HEPHL1: variants seen among roughly 807,000 people sequenced by gnomAD.
HEPHL1 encodes hephaestin like 1.
HEPHL1 carries 123 observed loss-of-function variants against 122.0 expected under a neutral mutation model. That is an observed-to-expected ratio of 1.01 (90% CI 0.87 to 1.17). The LOEUF (loss-of-function observed/expected upper bound fraction) is 1.17. Among genes scored for constraint, HEPHL1 ranks in the 50% most tolerant of loss-of-function variants. The pLI is 0.00. For missense variants in HEPHL1, 1,452 were observed against 1,430.5 expected (o/e 1.01, Z -0.24); for synonymous variants, 527 against 508.9 (o/e 1.04, Z -0.48).
At chr11:94,105,340 C>CTCT (rs1357772487) in intron 16 of HEPHL1, among the ~76,000 whole-genome samples, 1 of 152,216 alleles carries the variant, frequency 6.6e-6, no homozygotes, top group East Asian at 1.9e-4. Flanking sequence ...CATTCAGCTA[C>CTCT]TCTTTCCCCT....
chr11:94,059,614 C>T (rs1945967303), intron 2 of HEPHL1, among the ~76,000 whole-genome samples: 1 of 152,138 alleles, frequency 6.6e-6, no homozygotes, highest in African/African-American at 2.4e-5. Context: ...GTTAATGACA[C>T]CATTGATCAA....
chr11:94,076,946 C>T lies in HEPHL1; in HGVS notation c.1716+1561C>T, dbSNP rs561013716. The stretch of plus-strand genomic sequence containing the variant: ...ATTCTGTTTCTCTCTTTGAATCCAC[C>T]TCTCTATAGATCTCACACTTTTTTG... On this transcript the variant is annotated intron_variant, in intron 9 of 19. Transcript: ENST00000315765. Among the ~76,000 whole-genome samples the T allele has an allele frequency of 2.6e-5, 4 of 152,256 alleles. No individual in the cohort carries two copies. In the East Asian group the frequency reaches 7.7e-4, roughly 29 times the overall value.
At chr11:94,047,560 A>T (rs1945851338) in intron 2 of HEPHL1, among the ~76,000 whole-genome samples, 3 of 152,210 alleles carry the variant, frequency 2.0e-5, no homozygotes, top group African/African-American at 7.2e-5. Context: ...ATGGCTGCAT[A>T]GTATTCCAAG....
chr11:94,073,149 C>T lies in HEPHL1; in HGVS notation c.1357C>T (p.His453Tyr), dbSNP rs769195557. Residue 453 changes from histidine to tyrosine, a missense_variant, in exon 7 of 20, where the codon CAT becomes TAT. His to Tyr is a moderately conservative substitution (Grantham distance 83, BLOSUM62 2). Transcript: ENST00000315765. Reference sequence around the variant, plus strand: ...AAAGAGACTCTCTGCTGAAGAAGCCCATCTTGGAATTCTTGGTACAGTAAA... The same window carrying T: ...AAAGAGACTCTCTGCTGAAGAAGCCTATCTTGGAATTCTTGGTACAGTAAA... ...KRKRLSAEEA[H>Y]LGILGPVIKA... 48 of 1,612,950 alleles carry T rather than the reference C, an allele frequency of 3.0e-5. No homozygotes were observed. Among genetic ancestry groups the T allele is most frequent in the Non-Finnish European group, 4.0e-5 (47 of 1,179,452 alleles).
chr11:94,022,674 T>C (rs1464510934), intron 1 of HEPHL1, among the ~76,000 whole-genome samples: 1 of 152,250 alleles, frequency 6.6e-6, no homozygotes, highest in Non-Finnish European at 1.5e-5. Context: ...CCTGGAAATG[T>C]AATGTCTGCA....
intron 2 of HEPHL1, chr11:94,055,530 G>T (rs1477784199): frequency 4.1e-6 from 1 of 245,572 alleles, no homozygotes; most frequent in East Asian, 1.2e-4. Context: ...TTGTTAACCG[G>T]CTTGGAGACC....
intron 1 of HEPHL1, among the ~76,000 whole-genome samples, chr11:94,028,608 C>G (rs922283753): frequency 1.3e-5 from 2 of 152,146 alleles, no homozygotes; most frequent in African/African-American, 4.8e-5. Context: ...CCACTGGATT[C>G]TTTTGCAGCA....
Position 94,104,750 on chromosome 11 carries a change from G to C in HEPHL1, c.2905G>C (p.Ala969Pro). 6.2e-7 allele frequency: 1 copy of C among 1,606,714 alleles called. No individual in the cohort carries two copies. Among genetic ancestry groups the C allele is most frequent in the East Asian group, 2.2e-5 (1 of 44,838 alleles). ...DDFEESNRMH[A>P]INGKIFGNLH... ...TTTTGAGGAAAGCAACAGAATGCAT[G>C]GTATATCCAAAGTTTAAAAAGAAGC... The change falls in exon 16 of 20, where the codon GCC becomes CCC. Residue 969 changes from alanine (A) to proline (P), a missense_variant and splice_region_variant. Coordinates refer to ENST00000315765, the MANE Select transcript of HEPHL1 (RefSeq NM_001098672.2).
chr11:94,103,183 C>G (rs1230471041), intron 15 of HEPHL1, among the ~76,000 whole-genome samples, 163 bp downstream of exon 15: 1 of 144,824 alleles, frequency 6.9e-6, no homozygotes, highest in Non-Finnish European at 1.5e-5. Flanking sequence ...TGGACGTTTA[C>G]ATTGTCAATG....
intron 9 of HEPHL1, among the ~76,000 whole-genome samples, chr11:94,080,749 T>C (rs1051248930): frequency 1.3e-5 from 2 of 152,196 alleles, no homozygotes; most frequent in African/African-American, 4.8e-5. Context: ...AGATACCATC[T>C]CACGCTATTC....
In HEPHL1 at chr11:94,070,450, G is replaced by A. The variant is rs780507774; in HGVS notation, c.1140G>A (p.Arg380=). The A allele has an allele frequency of 2.5e-6, 4 of 1,608,472 alleles. No individual in the cohort carries two copies. Among genetic ancestry groups the A allele is most frequent in the Admixed American group, 1.7e-5 (1 of 59,236 alleles). ...IFYPKMKGQQ[R]RYFIAAEKIL... is the part of the protein sequence containing the mutation. ...ACCCCAAGATGAAGGGTCAACAGAG[G>A]CGCTACTTTATAGCAGCTGAAAAAA... Residue 380 remains arginine, a synonymous_variant, in exon 6 of 20, where the codon AGG becomes AGA. Transcript: ENST00000315765.
In HEPHL1 at chr11:94,114,131, T is replaced by C. The variant is rs1946473154; in HGVS notation, c.*2237T>C. On this transcript the variant is annotated 3_prime_UTR_variant, in exon 20 of 20. Transcript: ENST00000315765. ...GGGTATCCATTTTTCCTCCTGCATC[T>C]TTCTATGAAACCATCAGCAATGTCC... Among the ~76,000 whole-genome samples, 1 of 152,226 alleles carries C rather than the reference T, an allele frequency of 6.6e-6. No individual in the cohort carries two copies. Among genetic ancestry groups the C allele is most frequent in the African/African-American group, 2.4e-5 (1 of 41,450 alleles).
intron 5 of HEPHL1, among the ~76,000 whole-genome samples, chr11:94,068,247 A>T (rs1432622409): frequency 6.6e-6 from 1 of 152,188 alleles, no homozygotes; most frequent in Non-Finnish European, 1.5e-5. Flanking sequence ...CTGTAAGTAG[A>T]GTAATAAGGT....
chr11:94,029,612 C>T (rs570366613), intron 1 of HEPHL1, among the ~76,000 whole-genome samples: 1 of 152,298 alleles, frequency 6.6e-6, no homozygotes, highest in Admixed American at 6.5e-5. Context: ...GGCAAATGTT[C>T]CAAATGATTC....
chr11:94,034,673 A>C (rs1476217665), intron 1 of HEPHL1, among the ~76,000 whole-genome samples: 1 of 152,220 alleles, frequency 6.6e-6, no homozygotes, highest in African/African-American at 2.4e-5. Context: ...ATGACATTTA[A>C]GTAAAGAAAG....
At chr11:94,091,731 G>A (rs144796839) in intron 12 of HEPHL1, among the ~76,000 whole-genome samples, 76 of 152,270 alleles carry the variant, frequency 5.0e-4, no homozygotes, top group African/African-American at 1.7e-3. Flanking sequence ...GTTGGTAGTC[G>A]GCGGGGGCTT....
intron 2 of HEPHL1, among the ~76,000 whole-genome samples, chr11:94,048,956 C>T (rs1945864502): frequency 6.6e-6 from 1 of 151,884 alleles, no homozygotes; most frequent in East Asian, 1.9e-4. Context: ...CCCATCTCTA[C>T]TAAAAATACA....
chr11:94,022,720 A>G (rs1389397636), intron 1 of HEPHL1, among the ~76,000 whole-genome samples: 1 of 152,206 alleles, frequency 6.6e-6, no homozygotes, highest in East Asian at 1.9e-4. Context: ...ATTGCTTTCA[A>G]TCCCACATCT....
At chr11:94,065,118 C>G (rs754060260) in intron 4 of HEPHL1, among the ~76,000 whole-genome samples, 7 of 151,886 alleles carry the variant, frequency 4.6e-5, no homozygotes, top group African/African-American at 1.5e-4. Flanking sequence ...CTTACTCATG[C>G]CTGTTTTGCA....
Sources: allele counts gnomAD v4.1 joint callset (sites outside exome capture counted in the v4.1 genomes callset), GRCh38; gene constraint gnomAD v4.1.1; transcripts MANE v1.5; gene names NCBI Gene and HGNC (gene_info 2026-07-23, HGNC 2026-07-21).